The following LUZP2 variants were observed in gnomAD, a reference collection of about 807,000 sequenced individuals.
The protein encoded by LUZP2 is leucine zipper protein 2.
In LUZP2, 52 loss-of-function variants were observed where a neutral mutation model predicts 51.6. The observed-to-expected ratio is 1.01, with a 90% confidence interval of 0.81 to 1.27. The LOEUF is 1.27. Among genes scored for constraint, LUZP2 ranks in the 50% most tolerant of loss-of-function variants. The pLI is 0.00. For synonymous variants in LUZP2, 154 were observed against 137.3 expected (o/e 1.12, Z -0.85); for missense variants, 436 against 395.4 (o/e 1.10, Z -0.87).
chr11:24,602,244 GTA>G (rs1329304592), intron 1 of LUZP2, among the ~76,000 whole-genome samples: 8 of 77,950 alleles, frequency 1.0e-4, no homozygotes, highest in African/African-American at 3.8e-4. Flanking sequence ...GTGTATATAT[GTA>G]TATATATGCA....
chr11:24,511,752 C>T (rs10430921), intron 1 of LUZP2, among the ~76,000 whole-genome samples: 57,035 of 151,928 alleles, frequency 0.38, 11,011 homozygotes, highest in South Asian at 0.58. Context: ...TACTAAATGA[C>T]TAATTCATAC....
chr11:24,975,920 C>T (rs1201718733), intron 7 of LUZP2, among the ~76,000 whole-genome samples: 2 of 151,820 alleles, frequency 1.3e-5, no homozygotes, highest in South Asian at 2.1e-4. Flanking sequence ...AAAATACCAT[C>T]GACTAGTGTA....
chr11:24,960,512 A>G (rs1855360685), intron 7 of LUZP2, among the ~76,000 whole-genome samples: 1 of 151,978 alleles, frequency 6.6e-6, no homozygotes, highest in African/African-American at 2.4e-5. Context: ...CATTTCTTCT[A>G]GATTTTCTAG....
chr11:24,760,129 T>A (rs1038611724), intron 4 of LUZP2, among the ~76,000 whole-genome samples: 5 of 152,150 alleles, frequency 3.3e-5, no homozygotes, highest in African/African-American at 1.2e-4. Flanking sequence ...AAAGATATTC[T>A]GATTGGCAAT....
chr11:24,774,054 C>T (rs11827478), intron 5 of LUZP2, among the ~76,000 whole-genome samples: 12,167 of 151,750 alleles, frequency 0.08, 1,063 homozygotes, highest in African/African-American at 0.22. Flanking sequence ...TTTGAGTCAG[C>T]GGGCTGGGAA....
chr11:24,954,903 G>T (rs1024217005), intron 7 of LUZP2, among the ~76,000 whole-genome samples: 3 of 152,048 alleles, frequency 2.0e-5, no homozygotes, highest in East Asian at 1.9e-4. Flanking sequence ...AGGATCTGAG[G>T]AATGAGTAGG....
intron 7 of LUZP2, among the ~76,000 whole-genome samples, chr11:24,924,494 T>C (rs1018443854): frequency 6.6e-6 from 1 of 152,142 alleles, no homozygotes; most frequent in African/African-American, 2.4e-5. Context: ...TCACAGATGT[T>C]TCTGTGATTT....
intron 3 of LUZP2, among the ~76,000 whole-genome samples, chr11:24,736,353 T>C (rs1858936867): frequency 6.6e-6 from 1 of 152,038 alleles, no homozygotes; most frequent in Non-Finnish European, 1.5e-5. Context: ...TTAAAATTGC[T>C]TAAAAATTTA....
At chr11:24,828,808 GAAA>G (rs1207691957) in intron 5 of LUZP2, among the ~76,000 whole-genome samples, 1 of 152,104 alleles carries the variant, frequency 6.6e-6, no homozygotes, top group Non-Finnish European at 1.5e-5. Context: ...GGGTCACAAA[GAAA>G]AGTGAATTTG....
intron 1 of LUZP2, among the ~76,000 whole-genome samples, chr11:24,566,944 A>AAT (rs1479537412): frequency 3.7e-4 from 1 of 2,668 alleles, no homozygotes; most frequent in African/African-American, 1.5e-3. Flanking sequence ...TATATACATA[A>AAT]ATATATATAT....
chr11:24,627,407 C>A (rs1190491590), intron 1 of LUZP2, among the ~76,000 whole-genome samples: 1 of 152,106 alleles, frequency 6.6e-6, no homozygotes, highest in Non-Finnish European at 1.5e-5. Context: ...GGGGACCAGG[C>A]TTTTTCTTTA....
At chr11:24,819,786 A>G (rs1395902029) in intron 5 of LUZP2, among the ~76,000 whole-genome samples, 1 of 152,092 alleles carries the variant, frequency 6.6e-6, no homozygotes, top group East Asian at 1.9e-4. Context: ...AGGAAGCAAT[A>G]GTATACATTG....
At chr11:24,604,465 G>A (rs190794869) in intron 1 of LUZP2, among the ~76,000 whole-genome samples, 15 of 151,782 alleles carry the variant, frequency 9.9e-5, no homozygotes, top group South Asian at 4.2e-4. Flanking sequence ...TTAAAACACC[G>A]TTTAGCTTTC....
At chr11:25,069,271 A>G (rs1021887035) in intron 10 of LUZP2, among the ~76,000 whole-genome samples, 3 of 151,948 alleles carry the variant, frequency 2.0e-5, no homozygotes, top group Non-Finnish European at 2.9e-5. Flanking sequence ...CTCAGTTGCA[A>G]CAGCAATAAC....
chr11:25,073,874 C>T (rs1363030740), intron 10 of LUZP2, among the ~76,000 whole-genome samples: 1 of 152,070 alleles, frequency 6.6e-6, no homozygotes, highest in African/African-American at 2.4e-5. Flanking sequence ...TTTGTTAATC[C>T]ATGCTGAATA....
intron 5 of LUZP2, among the ~76,000 whole-genome samples, chr11:24,794,119 C>G (rs1346543739): frequency 6.6e-6 from 1 of 152,046 alleles, no homozygotes; most frequent in Non-Finnish European, 1.5e-5. Flanking sequence ...CATTAAGGAT[C>G]TAACTAATGA....
intron 9 of LUZP2, among the ~76,000 whole-genome samples, chr11:25,020,069 G>A (rs1049779371): frequency 6.6e-6 from 1 of 151,900 alleles, no homozygotes; most frequent in African/African-American, 2.4e-5. Context: ...ACATGATCAA[G>A]GTTCTAGAAT....
At chr11:24,920,950 AAAAAG>A (rs1854033633) in intron 7 of LUZP2, among the ~76,000 whole-genome samples, 2 of 152,050 alleles carry the variant, frequency 1.3e-5, no homozygotes, top group African/African-American at 4.8e-5. Flanking sequence ...TATACAAATA[AAAAAG>A]AAAATATTTT....
At chr11:24,978,392 A>G (rs1324508928) in intron 8 of LUZP2, among the ~76,000 whole-genome samples, 1 of 151,738 alleles carries the variant, frequency 6.6e-6, no homozygotes, top group African/African-American at 2.4e-5. Context: ...TTTCTCTGAC[A>G]TTCCTGTACA....
Sources: gnomAD v4.1 joint callset for allele counts (sites outside exome capture counted in the v4.1 genomes callset) on GRCh38, gnomAD v4.1.1 for gene constraint, MANE v1.5 for transcripts, NCBI Gene and HGNC (gene_info 2026-07-23, HGNC 2026-07-21) for gene names.